Variants in RCOR1 observed in about 807,000 individuals in gnomAD.
RCOR1 encodes the protein REST corepressor.
RCOR1 carries 12 observed loss-of-function variants against 64.0 expected under a neutral mutation model. The ratio of observed to expected loss-of-function variants is 0.19; its 90% confidence interval spans 0.12 to 0.30. RCOR1 has a LOEUF of 0.30. Among genes scored for constraint, RCOR1 ranks in the 10% least tolerant of loss-of-function variants. RCOR1 has a pLI of 1.00. For missense variants in RCOR1, 502 were observed against 621.2 expected (o/e 0.81, Z 2.04); for synonymous variants, 279 against 227.2 (o/e 1.23, Z -2.05).
chr14:102,618,119 G>T lies in RCOR1; in HGVS notation c.361+24794G>T, dbSNP rs140305917. 1.4e-3 allele frequency among the ~76,000 whole-genome samples: 216 copies of T among 151,542 alleles called. 2 individuals carry two copies. The highest frequency in any genetic ancestry group is 4.7e-3 in the African/African-American group (193 of 41,290). ...CTCCTGAGTAGCTGGGATTACAGGC[G>T]TGCCCCACCACGTCTGGCTAATTTT... On this transcript the variant is annotated intron_variant, in intron 2 of 11. Transcript: ENST00000262241.
At chr14:102,628,944 G>A (rs1199756452) in intron 2 of RCOR1, among the ~76,000 whole-genome samples, 1 of 149,222 alleles carries the variant, frequency 6.7e-6, no homozygotes, top group Non-Finnish European at 1.5e-5. Context: ...AGGCTGGAGT[G>A]CAGTGGCATG....
At chr14:102,608,727 T>G (rs1226721196) in intron 2 of RCOR1, among the ~76,000 whole-genome samples, 2 of 150,852 alleles carry the variant, frequency 1.3e-5, no homozygotes, top group East Asian at 3.9e-4. Context: ...CTGGCCTAAT[T>G]TTAAAATTTT....
chr14:102,684,582 A>C (rs1054828379), intron 3 of RCOR1, among the ~76,000 whole-genome samples: 1 of 152,226 alleles, frequency 6.6e-6, no homozygotes, highest in Non-Finnish European at 1.5e-5. Flanking sequence ...TGGGAAAAAA[A>C]CAAAACAAAC....
At chr14:102,631,065 A>C (rs1490739292) in intron 2 of RCOR1, among the ~76,000 whole-genome samples, 2 of 152,098 alleles carry the variant, frequency 1.3e-5, no homozygotes, top group African/African-American at 4.8e-5. Flanking sequence ...TTCTTTTTGA[A>C]GTGTAGGCCC....
intron 2 of RCOR1, among the ~76,000 whole-genome samples, chr14:102,654,291 A>AT (rs1040230085): frequency 6.6e-6 from 1 of 151,810 alleles, no homozygotes; most frequent in Non-Finnish European, 1.5e-5. Flanking sequence ...CCGGCCAGGT[A>AT]TTTTTTTATA....
chr14:102,699,178 C>T (rs8015864), intron 3 of RCOR1, among the ~76,000 whole-genome samples: 22,131 of 152,126 alleles, frequency 0.15, 1,847 homozygotes, highest in East Asian at 0.27. Flanking sequence ...AGCCACCGCG[C>T]CTGGCCTCTG....
At chr14:102,602,332 A>T (rs1309972482) in intron 2 of RCOR1, among the ~76,000 whole-genome samples, 2 of 148,058 alleles carry the variant, frequency 1.4e-5, no homozygotes, top group Admixed American at 6.7e-5. Flanking sequence ...TAGGTTATTA[A>T]TTTTTTTTAA....
At chr14:102,635,865 C>T (rs1467808502) in intron 2 of RCOR1, among the ~76,000 whole-genome samples, 1 of 152,042 alleles carries the variant, frequency 6.6e-6, no homozygotes, top group Non-Finnish European at 1.5e-5. Flanking sequence ...ATCACTTATG[C>T]CCAGCAATTG....
At chr14:102,618,996 G>C (rs746738121) in intron 2 of RCOR1, among the ~76,000 whole-genome samples, 9 of 152,196 alleles carry the variant, frequency 5.9e-5, no homozygotes, top group Non-Finnish European at 1.0e-4. Flanking sequence ...AGTTTGATAT[G>C]ATCAGATGCT....
intron 2 of RCOR1, among the ~76,000 whole-genome samples, chr14:102,621,711 A>G (rs566067986): frequency 2.9e-5 from 1 of 33,902 alleles, no homozygotes; most frequent in African/African-American, 4.9e-5. Context: ...AAAATCACTT[A>G]AATGAATGAA....
At chr14:102,717,199 C>T (rs1896083505) in intron 8 of RCOR1, among the ~76,000 whole-genome samples, 1 of 152,188 alleles carries the variant, frequency 6.6e-6, no homozygotes, top group Non-Finnish European at 1.5e-5. Flanking sequence ...TGGGTCCTGT[C>T]CTTTCATTCT....
rs762397480 is a variant in RCOR1, at chr14:102,592,891, C to T, written c.5C>T (p.Pro2Leu). ...GCACGGCCCCGGCCCCCGCCGATGC[C>T]GGCCATGGTGGAGAAGGGCCCCGAG... M[P>L]AMVEKGPEVS... The change falls in exon 1 of 12, where the codon CCG becomes CTG. Residue 2 changes from proline (P) to leucine (L), a missense_variant. Physicochemically the swap from Pro to Leu is moderately conservative, Grantham distance 98. Around this residue, in one of 2 missense-constraint regions of RCOR1, gnomAD observed 242 missense variants for 204.9 expected, o/e 1.18. Coordinates refer to ENST00000262241, the MANE Select transcript of RCOR1 (RefSeq NM_015156.4). 5 of 1,227,348 alleles carry T rather than the reference C, an allele frequency of 4.1e-6. No individual in the cohort carries two copies. The highest frequency in any genetic ancestry group is 5.1e-5 in the South Asian group (2 of 39,092). The allele number at this position is 1,227,348 out of a possible 1,614,324, so 76.0% of individuals were successfully genotyped here. A position where few individuals can be genotyped will look rare whatever the true frequency, so the allele number is the denominator to read the frequency against.
At chr14:102,683,351 T>A (rs1209785334) in intron 3 of RCOR1, among the ~76,000 whole-genome samples, 1 of 152,134 alleles carries the variant, frequency 6.6e-6, no homozygotes, top group Non-Finnish European at 1.5e-5. Flanking sequence ...CGATTCTTAC[T>A]GAGGCCTTTG....
chr14:102,702,799 G>A (rs1247528244), intron 4 of RCOR1, among the ~76,000 whole-genome samples: 5 of 152,114 alleles, frequency 3.3e-5, no homozygotes, highest in African/African-American at 7.2e-5. Flanking sequence ...AGATGTCCAG[G>A]TTTTAACAGA....
intron 2 of RCOR1, among the ~76,000 whole-genome samples, chr14:102,604,063 T>A (rs1893455040): frequency 1.3e-5 from 2 of 152,166 alleles, no homozygotes; most frequent in South Asian, 4.1e-4. Context: ...CAGAGATTGG[T>A]CTTGGTGTAT....
Position 102,592,731 on chromosome 14 carries a change from G to C in RCOR1, c.-156G>C, listed in dbSNP as rs1402507244. The stretch of plus-strand genomic sequence containing the variant: ...GGGGCTTGAAGCGGCTCCGCGCTCT[G>C]CCCGTTTGGGCCTCCCCCGACTCGG... On this transcript the variant is annotated 5_prime_UTR_variant, in exon 1 of 12. Coordinates refer to ENST00000262241, the MANE Select transcript of RCOR1 (RefSeq NM_015156.4). 2 of 1,223,394 alleles carry C rather than the reference G, an allele frequency of 1.6e-6. No individual in the cohort carries two copies. Among genetic ancestry groups the C allele is most frequent in the Non-Finnish European group, 2.0e-6 (2 of 982,836 alleles). The allele number at this position is 1,223,394 out of a possible 1,614,324, so 75.8% of individuals were successfully genotyped here.
intron 2 of RCOR1, among the ~76,000 whole-genome samples, chr14:102,636,532 A>G (rs1311674563): frequency 6.7e-6 from 1 of 150,260 alleles, no homozygotes; most frequent in Non-Finnish European, 1.5e-5. Flanking sequence ...TTCTTCCCCC[A>G]GGGCCTCCCA....
intron 4 of RCOR1, among the ~76,000 whole-genome samples, chr14:102,704,507 C>T (rs1895810368): frequency 6.6e-6 from 1 of 152,234 alleles, no homozygotes; most frequent in Non-Finnish European, 1.5e-5. Flanking sequence ...TCTCAGCTCA[C>T]TACAACCTCC....
At chr14:102,614,834 A>ATT (rs771047712) in intron 2 of RCOR1, among the ~76,000 whole-genome samples, 10 of 144,464 alleles carry the variant, frequency 6.9e-5, no homozygotes, top group Non-Finnish European at 9.2e-5. Context: ...TTTCTGAATA[A>ATT]TTTTTTTTTT....
Sources: allele counts gnomAD v4.1 joint callset (sites outside exome capture counted in the v4.1 genomes callset), GRCh38; gene constraint gnomAD v4.1.1; regional missense constraint gnomAD v4.1.1; transcripts MANE v1.5; gene names NCBI Gene and HGNC (gene_info 2026-07-23, HGNC 2026-07-21).